The following ZEB2 variants were observed in gnomAD, a reference collection of about 807,000 sequenced individuals.
ZEB2 encodes the protein zinc finger E-box-binding homeobox 2.
A neutral mutation model predicts 99.9 loss-of-function variants in ZEB2; 6 were observed. The ratio of observed to expected loss-of-function variants is 0.06; its 90% CI spans 0.03 to 0.12. The LOEUF is 0.12. ZEB2 is among the 10% of genes least tolerant of loss of function. ZEB2 has a pLI of 1.00. For missense variants in ZEB2, 969 were observed against 1,502.8 expected (o/e 0.64, Z 5.87); for synonymous variants, 517 against 542.5 (o/e 0.95, Z 0.65).
chr2:144,484,185 T>TGTGTGTG lies in ZEB2; in HGVS notation c.73+33092_73+33093insCACACAC, dbSNP rs1704560817. Among the ~76,000 whole-genome samples, 3 of 142,416 alleles carry TGTGTGTG rather than the reference T, an allele frequency of 2.1e-5. No homozygotes were observed. In the South Asian group the frequency reaches 6.8e-4, roughly 32 times the overall value. The allele number at this position is 142,416 out of a possible 152,430, so 93.4% of individuals were successfully genotyped here. A position where few individuals can be genotyped will look rare whatever the true frequency, so the allele number is the denominator to read the frequency against. On this transcript the variant is annotated intron_variant, in intron 2 of 9. Coordinates refer to ENST00000627532, the MANE Select transcript of ZEB2 (RefSeq NM_014795.4). ...CTCCAGGGGAGCTGGAAATCTGGAT[T>TGTGTGTG]TGTGTGTGTGTGTGTGTGTGTGTGT...
intron 2 of ZEB2, among the ~76,000 whole-genome samples, chr2:144,497,462 A>G (rs1017776001): frequency 1.3e-5 from 2 of 152,156 alleles, no homozygotes; most frequent in African/African-American, 4.8e-5. Context: ...GAAGACCTAG[A>G]AAGGACCTGA....
intron 1 of ZEB2, 113 bp downstream of exon 1, chr2:144,519,826 C>G (rs1184954265): frequency 5.5e-6 from 2 of 365,240 alleles, no homozygotes; most frequent in Admixed American, 7.4e-5. Flanking sequence ...GACACCCCTT[C>G]TCACTTCAGA....
intron 2 of ZEB2, 25 bp from the exon 3 acceptor site, chr2:144,430,051 T>C: frequency 6.2e-7 from 1 of 1,610,206 alleles, no homozygotes; most frequent in Non-Finnish European, 8.5e-7. Context: ...CAAAACACAC[T>C]CTCTAAACAC....
At chr2:144,511,542 C>G (rs1560657019) in intron 2 of ZEB2, 2 of 1,280,208 alleles carry the variant, frequency 1.6e-6, no homozygotes, top group Non-Finnish European at 2.0e-6. Context: ...TATCGTTTTC[C>G]TTTTAAAAAC....
At chr2:144,509,373 T>C (rs200281984) in intron 2 of ZEB2, among the ~76,000 whole-genome samples, 1 of 151,982 alleles carries the variant, frequency 6.6e-6, no homozygotes, top group Non-Finnish European at 1.5e-5. Flanking sequence ...TGGGGGTGGA[T>C]AGGAGGGGTG....
intron 2 of ZEB2, among the ~76,000 whole-genome samples, chr2:144,456,065 A>C (rs1407044016): frequency 6.6e-6 from 1 of 152,170 alleles, no homozygotes; most frequent in Non-Finnish European, 1.5e-5. Context: ...TTCAGCATTT[A>C]AGAAGGCTGC....
intron 2 of ZEB2, chr2:144,511,922 G>C: frequency 1.6e-6 from 2 of 1,287,122 alleles, no homozygotes; most frequent in Non-Finnish European, 1.0e-6. Flanking sequence ...GTTAACATCT[G>C]CTTTTGTGGT....
intron 9 of ZEB2, among the ~76,000 whole-genome samples, chr2:144,393,589 A>ACTAT (rs756779581): frequency 3.9e-5 from 6 of 152,246 alleles, no homozygotes; most frequent in Non-Finnish European, 8.8e-5. Flanking sequence ...TGGGATAGGA[A>ACTAT]CTATCCCACA....
intron 2 of ZEB2, among the ~76,000 whole-genome samples, chr2:144,508,101 A>G (rs1379732807): frequency 6.6e-6 from 1 of 152,204 alleles, no homozygotes; most frequent in African/African-American, 2.4e-5. Context: ...TACAAATAAC[A>G]TAAAACTTAA....
At chr2:144,497,856 CAT>C (rs543144652) in intron 2 of ZEB2, 65 of 1,494 alleles carry the variant, frequency 0.044, 6 homozygotes, top group African/African-American at 0.06. Context: ...TCATTCTCAA[CAT>C]ATATATATAT....
chr2:144,497,967 ATT>A lies in ZEB2; in HGVS notation c.73+19309_73+19310del, dbSNP rs1704798072. Among the ~76,000 whole-genome samples, 13 of 2,064 alleles carry A rather than the reference ATT, an allele frequency of 6.3e-3. 3 individuals carry two copies. Among genetic ancestry groups the A allele is most frequent in the Admixed American group, 0.038 (3 of 78 alleles). 1.4% of individuals were successfully genotyped at this position (2,064 alleles called of 152,430 possible). A position where few individuals can be genotyped will look rare whatever the true frequency, so the allele number is the denominator to read the frequency against. On this transcript the variant is annotated intron_variant, in intron 2 of 9. Coordinates refer to ENST00000627532, the MANE Select transcript of ZEB2 (RefSeq NM_014795.4). ...TATATATTATATAATATATATTAAT[ATT>A]ATATATTATATAATATATTAATATT...
chr2:144,396,351 A>C (rs1703229096), intron 9 of ZEB2, 61 bp downstream of exon 9: 2 of 1,583,052 alleles, frequency 1.3e-6, no homozygotes, highest in Admixed American at 1.7e-5. Context: ...GTGCTCATTA[A>C]ATATTATGAA....
chr2:144,477,472 C>T (rs992276270), intron 2 of ZEB2, among the ~76,000 whole-genome samples: 2 of 152,282 alleles, frequency 1.3e-5, no homozygotes, highest in East Asian at 3.9e-4. Context: ...AACAGCACAT[C>T]ATAAAATTCC....
chr2:144,446,978 G>A (rs371587434), intron 2 of ZEB2, among the ~76,000 whole-genome samples: 4 of 149,698 alleles, frequency 2.7e-5, no homozygotes, highest in Admixed American at 1.3e-4. Context: ...ATCGCGCCAC[G>A]GCACTCCAGC....
intron 4 of ZEB2, among the ~76,000 whole-genome samples, chr2:144,410,822 T>C (rs1703450038): frequency 6.6e-6 from 1 of 151,832 alleles, no homozygotes; most frequent in South Asian, 2.1e-4. Context: ...TAAATAATTC[T>C]TTTTAAAAAG....
rs1704450084 is a variant in ZEB2, at chr2:144,477,738, G to A, written c.73+39540C>T. Among the ~76,000 whole-genome samples, 3 of 152,186 alleles carry A rather than the reference G, an allele frequency of 2.0e-5. No homozygotes were observed. The South Asian group carries it at 6.2e-4, about 31-fold the overall frequency. ...GTAGCACCTAGCTCTAATAGCTCAG[G>A]ATGCTGGGCTGACAGATGGGGAGAC... On this transcript the variant is annotated intron_variant, in intron 2 of 9. Coordinates refer to ENST00000627532, the MANE Select transcript of ZEB2 (RefSeq NM_014795.4).
chr2:144,489,915 AAC>A (rs1462833449), intron 2 of ZEB2, among the ~76,000 whole-genome samples: 2 of 152,252 alleles, frequency 1.3e-5, no homozygotes, highest in African/African-American at 4.8e-5. Flanking sequence ...TTCCTTCTGA[AAC>A]ACAAACGGAG....
chr2:144,427,822 A>G (rs1016270568), intron 3 of ZEB2: 15 of 152,326 alleles, frequency 9.8e-5, no homozygotes, highest in African/African-American at 3.6e-4. Flanking sequence ...ATGCTGGTTT[A>G]TTTACCATAA....
At chr2:144,501,225 G>A (rs1484931108) in intron 2 of ZEB2, among the ~76,000 whole-genome samples, 1 of 152,114 alleles carries the variant, frequency 6.6e-6, no homozygotes, top group Non-Finnish European at 1.5e-5. Context: ...CCAATCTCAG[G>A]AACTTTCTCC....
Sources: allele counts gnomAD v4.1 joint callset (sites outside exome capture counted in the v4.1 genomes callset), GRCh38; gene constraint gnomAD v4.1.1; transcripts MANE v1.5; gene names NCBI Gene and HGNC (gene_info 2026-07-23, HGNC 2026-07-21).